The following EPHB2 variants were observed in gnomAD, a reference collection of about 807,000 sequenced individuals.
The protein encoded by EPHB2 is ephrin type-B receptor 2.
A neutral mutation model predicts 96.4 loss-of-function variants in EPHB2; 18 were observed. The ratio of observed to expected loss-of-function variants is 0.19; its 90% CI spans 0.13 to 0.28. The LOEUF (loss-of-function observed/expected upper bound fraction) is 0.28. Among genes scored for constraint, EPHB2 ranks in the 10% least tolerant of loss-of-function variants. The pLI, the probability that EPHB2 is intolerant of heterozygous loss-of-function variation, is 1.00. For synonymous variants in EPHB2, 506 were observed against 534.1 expected (o/e 0.95, Z 0.72); for missense variants, 989 against 1,355.4 (o/e 0.73, Z 4.25).
intron 3 of EPHB2, among the ~76,000 whole-genome samples, chr1:22,844,346 G>A (rs569382059): frequency 6.6e-6 from 1 of 152,336 alleles, no homozygotes; most frequent in East Asian, 1.9e-4. Flanking sequence ...GTGCCCAAAA[G>A]CCTCAGCCAG....
chr1:22,881,043 A>T (rs1436223618), intron 5 of EPHB2, among the ~76,000 whole-genome samples: 1 of 151,906 alleles, frequency 6.6e-6, no homozygotes, highest in African/African-American at 2.4e-5. Context: ...AGGCTGATGC[A>T]GGAGGGGATC....
chr1:22,836,417 C>T (rs1031382193), intron 3 of EPHB2, among the ~76,000 whole-genome samples: 18 of 152,220 alleles, frequency 1.2e-4, no homozygotes, highest in African/African-American at 3.9e-4. Flanking sequence ...GTTTTGTGAG[C>T]AGTTGCTTCA....
chr1:22,883,827 G>A (rs1639130284), intron 6 of EPHB2, among the ~76,000 whole-genome samples: 1 of 152,162 alleles, frequency 6.6e-6, no homozygotes, highest in Non-Finnish European at 1.5e-5. Context: ...CAGGGGCTAC[G>A]TCTCCATTCA....
Position 22,784,288 on chromosome 1 carries a change from G to T in EPHB2, c.127-104G>T. 9.3e-7 allele frequency: 1 copy of T among 1,077,904 alleles called. No homozygotes were observed. The highest frequency in any genetic ancestry group is 1.3e-5 in the South Asian group (1 of 75,304). The allele number at this position is 1,077,904 out of a possible 1,614,324, so 66.8% of individuals were successfully genotyped here. A position where few individuals can be genotyped will look rare whatever the true frequency, so the allele number is the denominator to read the frequency against. ...GAATTCTCTGATGTCTTCACCATTA[G>T]ACTGGAGGGTTCCCTAAGGCAGAGT... On this transcript the variant is annotated intron_variant, in intron 2 of 15. Transcript: ENST00000374630. This position sits in a 1 kb window ranked among gnomAD's most constrained non-coding sequence, Gnocchi z 5.1.
Position 22,901,663 on chromosome 1 carries a change from C to T in EPHB2, c.1766-4324C>T, listed in dbSNP as rs551635571. On this transcript the variant is annotated intron_variant, in intron 9 of 15. Coordinates refer to ENST00000374630, the MANE Select transcript of EPHB2 (RefSeq NM_017449.5). Reference sequence around the variant, plus strand: ...AGGCTCTGGCCACCAGGCACTCACTCACCTTCTATTCCAAGAGACAGACTG... The same window carrying T: ...AGGCTCTGGCCACCAGGCACTCACTTACCTTCTATTCCAAGAGACAGACTG... 1.1e-4 allele frequency among the ~76,000 whole-genome samples: 16 copies of T among 152,324 alleles called. No homozygotes were observed. The South Asian group carries it at 3.3e-3, about 32-fold the overall frequency.
At chr1:22,779,101 G>A (rs1241433739) in intron 1 of EPHB2, among the ~76,000 whole-genome samples, 1 of 152,210 alleles carries the variant, frequency 6.6e-6, no homozygotes, top group Non-Finnish European at 1.5e-5. Flanking sequence ...AGAGAGCCCG[G>A]CTTGGCGCGT....
chr1:22,857,305 G>A (rs1025845372), intron 3 of EPHB2, among the ~76,000 whole-genome samples: 2 of 152,148 alleles, frequency 1.3e-5, no homozygotes, highest in Admixed American at 1.3e-4. Context: ...CACTGCATAT[G>A]GAGCATGTCT....
intron 1 of EPHB2, among the ~76,000 whole-genome samples, chr1:22,768,858 C>G (rs1345332046): frequency 6.6e-6 from 1 of 152,072 alleles, no homozygotes; most frequent in Non-Finnish European, 1.5e-5. Context: ...TCTCCTGGTG[C>G]TTCCTCTTTC....
intron 13 of EPHB2, among the ~76,000 whole-genome samples, 164 bp from the exon 14 acceptor site, chr1:22,910,218 C>T (rs1049747276): frequency 1.3e-5 from 2 of 152,128 alleles, no homozygotes; most frequent in Non-Finnish European, 2.9e-5. Context: ...ATGGTGGAAA[C>T]CCAGGTCATC....
chr1:22,851,738 T>G (rs1326985391), intron 3 of EPHB2, among the ~76,000 whole-genome samples: 1 of 152,244 alleles, frequency 6.6e-6, no homozygotes, highest in African/African-American at 2.4e-5. Context: ...GAACCTCACG[T>G]GCTAGCAACC....
At chr1:22,713,813 A>G (rs1409224949) in intron 1 of EPHB2, among the ~76,000 whole-genome samples, 3 of 152,168 alleles carry the variant, frequency 2.0e-5, no homozygotes, top group South Asian at 2.1e-4. Context: ...AGCCTTCGGA[A>G]TGGGGGAGAG....
Position 22,909,111 on chromosome 1 carries a change from T to C in EPHB2, c.2442T>C (p.Ile814=). Residue 814 remains isoleucine, a synonymous_variant, in exon 13 of 16, where the codon ATT becomes ATC. Coordinates refer to ENST00000374630, the MANE Select transcript of EPHB2 (RefSeq NM_017449.5). Reference sequence around the variant, plus strand: ...CCAGTGATGTGTGGAGCTACGGCATTGTCATGTGGGAGGTGATGTCCTATG... The same window carrying C: ...CCAGTGATGTGTGGAGCTACGGCATCGTCATGTGGGAGGTGATGTCCTATG... ...TSASDVWSYG[I]VMWEVMSYGE... is the part of the protein sequence containing the mutation. 6.2e-7 allele frequency: 1 copy of C among 1,614,142 alleles called. No individual in the cohort carries two copies. The highest frequency in any genetic ancestry group is 8.5e-7 in the Non-Finnish European group (1 of 1,180,014).
intron 3 of EPHB2, among the ~76,000 whole-genome samples, chr1:22,853,728 C>T (rs1331023342): frequency 6.6e-6 from 1 of 152,246 alleles, no homozygotes; most frequent in Non-Finnish European, 1.5e-5. Context: ...GTGGCTGGAG[C>T]TCAAGGTGTG....
At chr1:22,805,687 G>A (rs1644914940) in intron 3 of EPHB2, among the ~76,000 whole-genome samples, 1 of 152,214 alleles carries the variant, frequency 6.6e-6, no homozygotes, top group Admixed American at 6.5e-5. Flanking sequence ...GGGTGGGAAT[G>A]GGGGTGAGGG....
intron 3 of EPHB2, among the ~76,000 whole-genome samples, chr1:22,829,522 G>A (rs1645273131): frequency 6.6e-6 from 1 of 152,374 alleles, no homozygotes; most frequent in South Asian, 2.1e-4. Flanking sequence ...TGCCTGTCTA[G>A]TGCACAAATA....
chr1:22,734,787 TG>T (rs1391227641), intron 1 of EPHB2, among the ~76,000 whole-genome samples: 1 of 152,188 alleles, frequency 6.6e-6, no homozygotes, highest in African/African-American at 2.4e-5. Flanking sequence ...CTTGAGAAGC[TG>T]CCACAGGCTA....
chr1:22,841,100 C>T (rs1217692032), intron 3 of EPHB2, among the ~76,000 whole-genome samples: 2 of 134,238 alleles, frequency 1.5e-5, no homozygotes, highest in Non-Finnish European at 3.3e-5. Context: ...CAATCAGTAT[C>T]TGTGGAATGA....
chr1:22,895,425 G>C, intron 7 of EPHB2, 47 bp from the exon 8 acceptor site: 1 of 1,584,486 alleles, frequency 6.3e-7, no homozygotes, highest in Non-Finnish European at 8.7e-7. Context: ...AGGGTATTAC[G>C]ACTCCCACAG....
At chr1:22,759,767 G>A (rs1644208596) in intron 1 of EPHB2, among the ~76,000 whole-genome samples, 1 of 152,156 alleles carries the variant, frequency 6.6e-6, no homozygotes, top group Non-Finnish European at 1.5e-5. Context: ...TTTAGAGGAG[G>A]TGTCATCCTC....
Sources: allele counts gnomAD v4.1 joint callset (sites outside exome capture counted in the v4.1 genomes callset), GRCh38; gene constraint gnomAD v4.1.1; non-coding constraint Gnocchi (gnomAD v3.1); transcripts MANE v1.5; gene names NCBI Gene and HGNC (gene_info 2026-07-23, HGNC 2026-07-21).